RGS7: variants seen among roughly 807,000 people sequenced by gnomAD.
RGS7 encodes regulator of G protein signaling 7.
RGS7 carries 27 observed loss-of-function variants against 81.1 expected under a neutral mutation model. That is an observed-to-expected ratio of 0.33 (90% CI 0.25 to 0.46). The LOEUF (loss-of-function observed/expected upper bound fraction) is 0.46, where lower values mean the gene tolerates loss of function less well. RGS7 is among the 20% of genes least tolerant of loss of function. The probability of loss-of-function intolerance (pLI) is 1.00; values close to 1 mark genes in which losing one functional copy is unlikely to be tolerated. For synonymous variants in RGS7, 208 were observed against 207.7 expected (o/e 1.00, Z -0.01); for missense variants, 396 against 607.4 (o/e 0.65, Z 3.66).
In RGS7 at chr1:241,353,116, A is replaced by T. The variant is rs560334989; in HGVS notation, c.78+2583T>A. On this transcript the variant is annotated intron_variant, in intron 2 of 18. Coordinates refer to ENST00000440928, the MANE Select transcript of RGS7 (RefSeq NM_001364886.1). ...TCCTTTCTCTCCACTGTTACTAAGCAATGTCCTATTGGAACTGAACTTTTT... is the reference window on the plus strand; with the variant it reads ...TCCTTTCTCTCCACTGTTACTAAGCTATGTCCTATTGGAACTGAACTTTTT... Among the ~76,000 whole-genome samples, 7 of 152,342 alleles carry T rather than the reference A, an allele frequency of 4.6e-5. No individual in the cohort carries two copies. In the South Asian group the frequency reaches 1.4e-3, roughly 32 times the overall value.
intron 6 of RGS7, among the ~76,000 whole-genome samples, chr1:240,926,726 C>T (rs1464703578): frequency 6.6e-6 from 1 of 152,172 alleles, no homozygotes; most frequent in Non-Finnish European, 1.5e-5. Flanking sequence ...GCAAATACAT[C>T]TGGGAAAGCC....
chr1:241,272,781 T>G (rs1038183737), intron 2 of RGS7, among the ~76,000 whole-genome samples: 1 of 152,218 alleles, frequency 6.6e-6, no homozygotes, highest in Non-Finnish European at 1.5e-5. Context: ...TTGGATAATT[T>G]CTATTCACTT....
In RGS7 at chr1:240,859,885, A is replaced by G. The variant is rs563286925; in HGVS notation, c.609+8702T>C. Reference sequence around the variant, plus strand: ...CTAAGCACTGCTTTCACTGGATCCTAAAAATTTTGATAAAGCATATTTTTA... The same window carrying G: ...CTAAGCACTGCTTTCACTGGATCCTGAAAATTTTGATAAAGCATATTTTTA... On this transcript the variant is annotated intron_variant, in intron 9 of 18. Coordinates refer to ENST00000440928, the MANE Select transcript of RGS7 (RefSeq NM_001364886.1). 4.3e-4 allele frequency among the ~76,000 whole-genome samples: 65 copies of G among 152,312 alleles called. 1 individual carries two copies. In the South Asian group the frequency reaches 0.013, roughly 30 times the overall value.
At chr1:241,315,873 T>C (rs2080840053) in intron 2 of RGS7, among the ~76,000 whole-genome samples, 1 of 152,258 alleles carries the variant, frequency 6.6e-6, no homozygotes, top group African/African-American at 2.4e-5. Flanking sequence ...GTAAATTCTT[T>C]CTACACATAT....
At chr1:240,779,552 C>T (rs1052226159) in intron 18 of RGS7, among the ~76,000 whole-genome samples, 8 of 152,094 alleles carry the variant, frequency 5.3e-5, no homozygotes, top group Admixed American at 3.9e-4. Flanking sequence ...AGGAAGGGGG[C>T]CCTCATCGGA....
chr1:241,306,499 C>T (rs570471218), intron 2 of RGS7, among the ~76,000 whole-genome samples: 2 of 151,440 alleles, frequency 1.3e-5, no homozygotes, highest in African/African-American at 4.9e-5. Flanking sequence ...CATTGTTACA[C>T]AAACACCCTC....
intron 2 of RGS7, among the ~76,000 whole-genome samples, chr1:241,122,195 T>C (rs1455531328): frequency 6.6e-6 from 1 of 151,778 alleles, no homozygotes; most frequent in African/African-American, 2.4e-5. Context: ...GCTGAAGGAG[T>C]AGAGAGTGAA....
intron 6 of RGS7, among the ~76,000 whole-genome samples, chr1:240,928,757 G>A (rs540590052): frequency 1.3e-5 from 2 of 151,892 alleles, no homozygotes; most frequent in Admixed American, 6.6e-5. Flanking sequence ...TTACAGGCAC[G>A]CCCTACCACA....
At chr1:240,816,987 A>G (rs146412921) in intron 10 of RGS7, among the ~76,000 whole-genome samples, 19 of 152,278 alleles carry the variant, frequency 1.2e-4, no homozygotes, top group African/African-American at 4.6e-4. Flanking sequence ...ATTGGGTGCC[A>G]TTTGCAAACA....
At chr1:240,874,076 G>GT (rs1664945610) in intron 6 of RGS7, among the ~76,000 whole-genome samples, 1 of 152,064 alleles carries the variant, frequency 6.6e-6, no homozygotes, top group Non-Finnish European at 1.5e-5. Flanking sequence ...GAAGGAGGTG[G>GT]TTCACCCTTC....
At chr1:241,125,640 A>T (rs2066607420) in intron 2 of RGS7, among the ~76,000 whole-genome samples, 1 of 151,320 alleles carries the variant, frequency 6.6e-6, no homozygotes, top group African/African-American at 2.5e-5. Context: ...AAACAAAAAA[A>T]ACACTCTCTT....
At position 240,827,152 on chromosome 1, in the gene RGS7, A is replaced by G; in HGVS notation, c.630T>C (p.Thr210=). The change falls in exon 10 of 19, where the codon ACT becomes ACC. Residue 210 remains threonine (T), a synonymous_variant. Transcript: ENST00000440928. ...HRPVPGCVNT[T]EVDIKKSSRM... ...TGGATGACTTCTTAATGTCCACTTC[A>G]GTTGTATTTACACATCCAGGCTGGG... The G allele has an allele frequency of 6.2e-7, 1 of 1,613,702 alleles. No individual in the cohort carries two copies. Among genetic ancestry groups the G allele is most frequent in the Non-Finnish European group, 8.5e-7 (1 of 1,179,594 alleles).
intron 2 of RGS7, among the ~76,000 whole-genome samples, chr1:241,246,520 C>CATGT (rs1285918862): frequency 6.6e-6 from 1 of 152,034 alleles, no homozygotes; most frequent in East Asian, 1.9e-4. Context: ...TTTAAGAAGG[C>CATGT]ATGTGTTAAA....
In RGS7 at chr1:240,885,895, CTAAGA is replaced by C. The variant is rs1461602553; in HGVS notation, c.386-15781_386-15777del. Among the ~76,000 whole-genome samples the C allele has an allele frequency of 3.3e-5, 5 of 152,118 alleles. No individual in the cohort carries two copies. In the East Asian group the frequency reaches 7.7e-4, roughly 23 times the overall value. ...CAAACCTGCGCACATACTCCCAAAC[CTAAGA>C]TAAAAGTTTTAAAACAGGACGTTTT... On this transcript the variant is annotated intron_variant, in intron 6 of 18. Transcript: ENST00000440928.
At chr1:240,865,303 T>C (rs1331006937) in intron 9 of RGS7, among the ~76,000 whole-genome samples, 1 of 152,176 alleles carries the variant, frequency 6.6e-6, no homozygotes, top group African/African-American at 2.4e-5. Flanking sequence ...TAATAAAAAC[T>C]GGAAGTGTAC....
intron 2 of RGS7, among the ~76,000 whole-genome samples, chr1:241,181,929 G>C (rs1471748865): frequency 6.6e-6 from 1 of 152,056 alleles, no homozygotes; most frequent in Non-Finnish European, 1.5e-5. Flanking sequence ...TCAAATTCCT[G>C]GCATCAAACA....
chr1:240,951,005 T>A (rs1679464533), intron 4 of RGS7, among the ~76,000 whole-genome samples: 1 of 151,924 alleles, frequency 6.6e-6, no homozygotes, highest in South Asian at 2.1e-4. Flanking sequence ...CATTGCAGCC[T>A]CGACCTCCCA....
chr1:241,144,926 GGTGTGTGTGTGTGTGTGTGTGTGT>G lies in RGS7; in HGVS notation c.79-46188_79-46165del, dbSNP rs58610723. 4.2e-5 allele frequency among the ~76,000 whole-genome samples: 6 copies of G among 141,970 alleles called. No individual in the cohort carries two copies. The highest frequency in any genetic ancestry group is 7.7e-5 in the Non-Finnish European group (5 of 65,066). The allele number at this position is 141,970 out of a possible 152,430, so 93.1% of individuals were successfully genotyped here. On this transcript the variant is annotated intron_variant, in intron 2 of 18. Transcript: ENST00000440928. The surrounding 1 kb of genome is among the most constrained non-coding windows in gnomAD (Gnocchi z 4.7). ...TCAGTATGTGTTGGCAGGGCAGGATGGTGTGTGTGTGTGTGTGTGTGTGTGTGTGTGTGTGTGTTCGTGTTCATT... is the reference window on the plus strand; with the variant it reads ...TCAGTATGTGTTGGCAGGGCAGGATGGTGTGTGTGTGTGTTCGTGTTCATT...
At position 240,813,714 on chromosome 1, in the gene RGS7, G is replaced by A. The variant is rs751557145; in HGVS notation, c.860C>T (p.Thr287Met). Reference sequence around the variant, plus strand: ...CGGGTCGTATTCTAAATACTGTTCCGTGTAACTTAGTAGACTAAGGAGAAA... The same window carrying A: ...CGGGTCGTATTCTAAATACTGTTCCATGTAACTTAGTAGACTAAGGAGAAA... Reference protein sequence around the residue: ...SKVADSLLSYTEQYLEYDPFL... With the variant: ...SKVADSLLSYMEQYLEYDPFL... Residue 287 changes from threonine (T) to methionine (M), a missense_variant, in exon 13 of 19, where the codon ACG becomes ATG. Coordinates refer to ENST00000440928, the MANE Select transcript of RGS7 (RefSeq NM_001364886.1). 7 of 1,608,460 alleles carry A rather than the reference G, an allele frequency of 4.4e-6. No homozygotes were observed. The highest frequency in any genetic ancestry group is 1.1e-5 in the South Asian group (1 of 90,972).
Sources: allele counts gnomAD v4.1 joint callset (sites outside exome capture counted in the v4.1 genomes callset), GRCh38; gene constraint gnomAD v4.1.1; non-coding constraint Gnocchi (gnomAD v3.1); transcripts MANE v1.5; gene names NCBI Gene and HGNC (gene_info 2026-07-23, HGNC 2026-07-21).